ATP2B2: variants seen among roughly 807,000 people sequenced by gnomAD.
ATP2B2 encodes the protein plasma membrane calcium-transporting ATPase 2.
A neutral mutation model predicts 120.0 loss-of-function variants in ATP2B2; 15 were observed. That is an observed-to-expected ratio of 0.12 (90% confidence interval 0.08 to 0.19). The LOEUF is 0.19. Ranked by LOEUF, ATP2B2 falls within the 10% of genes least tolerant of loss-of-function variation. The pLI is 1.00. For missense variants in ATP2B2, 1,045 were observed against 1,719.8 expected (o/e 0.61, Z 6.94); for synonymous variants, 694 against 700.3 (o/e 0.99, Z 0.14).
rs906120259 is a variant in ATP2B2, at chr3:10,402,031, C to G, written c.655+60G>C. The G allele has an allele frequency of 6.2e-7, 1 of 1,605,702 alleles. No homozygotes were observed. The highest frequency in any genetic ancestry group is 8.5e-7 in the Non-Finnish European group (1 of 1,179,778). On this transcript the variant is annotated intron_variant, in intron 4 of 22. Transcript: ENST00000360273. The surrounding 1 kb of genome is among the most constrained non-coding windows in gnomAD (Gnocchi z 4.9). ...AGCCAATCTCTTTGCATCAGCCTGGCCTGTCCCACCTCTGCCGGAATCCAG... is the reference window on the plus strand; with the variant it reads ...AGCCAATCTCTTTGCATCAGCCTGGGCTGTCCCACCTCTGCCGGAATCCAG...
chr3:10,455,055 C>A (rs2064202119), intron 1 of ATP2B2, among the ~76,000 whole-genome samples: 1 of 152,320 alleles, frequency 6.6e-6, no homozygotes, highest in South Asian at 2.1e-4. Flanking sequence ...CAGTGTCTGG[C>A]ATCCAGAAGG....
Position 10,359,974 on chromosome 3 carries a change from G to T in ATP2B2, c.1809C>A (p.Asn603Lys). 1.2e-6 allele frequency: 2 copies of T among 1,614,240 alleles called. No individual in the cohort carries two copies. Among genetic ancestry groups the T allele is most frequent in the Non-Finnish European group, 1.7e-6 (2 of 1,180,028 alleles). Residue 603 changes from asparagine (N) to lysine (K), a missense_variant, in exon 13 of 23, where the codon AAC becomes AAA. Physicochemically the swap from Asn to Lys is moderately conservative, Grantham distance 94. Coordinates refer to ENST00000360273, the MANE Select transcript of ATP2B2 (RefSeq NM_001001331.4). ...EEKLYKVYTF[N>K]SVRKSMSTVI... ...CAGTGCTCATGGACTTGCGCACGGA[G>T]TTGAAGGTGTACACTTTGTACAACT...
intron 22 of ATP2B2, among the ~76,000 whole-genome samples, chr3:10,335,502 G>T (rs1316611069): frequency 6.6e-6 from 1 of 152,176 alleles, no homozygotes; most frequent in Non-Finnish European, 1.5e-5. Flanking sequence ...CCTCTGACCT[G>T]CAGTGACCTC....
At chr3:10,436,341 G>A (rs2063479368) in intron 2 of ATP2B2, among the ~76,000 whole-genome samples, 1 of 152,158 alleles carries the variant, frequency 6.6e-6, no homozygotes, top group Admixed American at 6.5e-5. Flanking sequence ...GTATCTGCAT[G>A]GTAGAAATAC....
intron 2 of ATP2B2, among the ~76,000 whole-genome samples, chr3:10,568,670 G>A (rs961016900): frequency 3.3e-5 from 5 of 152,194 alleles, no homozygotes; most frequent in East Asian, 1.9e-4. Flanking sequence ...TTTGGGAATC[G>A]TGTGTGACTT....
intron 2 of ATP2B2, among the ~76,000 whole-genome samples, chr3:10,442,165 T>C (rs906431622): frequency 2.0e-5 from 3 of 152,164 alleles, no homozygotes; most frequent in African/African-American, 7.2e-5. Context: ...GTTTTGGGAC[T>C]CAGGCCTCTG....
At chr3:10,392,896 G>C (rs922196140) in intron 5 of ATP2B2, among the ~76,000 whole-genome samples, 3 of 152,250 alleles carry the variant, frequency 2.0e-5, no homozygotes, top group Admixed American at 6.5e-5. Flanking sequence ...GACCAGCCTA[G>C]GGCATGTCCT....
intron 12 of ATP2B2, among the ~76,000 whole-genome samples, chr3:10,367,789 T>A (rs1225217554): frequency 6.6e-6 from 1 of 152,132 alleles, no homozygotes; most frequent in Non-Finnish European, 1.5e-5. Context: ...CGCATTGGGG[T>A]GTGGTGTCAC....
intron 2 of ATP2B2, among the ~76,000 whole-genome samples, chr3:10,571,537 T>C (rs559017543): frequency 2.6e-5 from 4 of 152,310 alleles, no homozygotes; most frequent in South Asian, 2.1e-4. Context: ...GACATGGGCA[T>C]GGGACCATCA....
chr3:10,355,433 G>A (rs2060687957), intron 14 of ATP2B2, among the ~76,000 whole-genome samples: 1 of 152,150 alleles, frequency 6.6e-6, no homozygotes, highest in South Asian at 2.1e-4. Context: ...TGGATGCCCT[G>A]ACTGAAGGAA....
chr3:10,345,334 G>A (rs551087579), intron 18 of ATP2B2, 50 bp downstream of exon 18: 2 of 1,604,474 alleles, frequency 1.2e-6, no homozygotes, highest in East Asian at 2.2e-5. Flanking sequence ...AGCCTCTGTG[G>A]GGGGTCTCCG....
At chr3:10,595,315 C>T (rs1463432552) in intron 2 of ATP2B2, among the ~76,000 whole-genome samples, 1 of 152,170 alleles carries the variant, frequency 6.6e-6, no homozygotes, top group Non-Finnish European at 1.5e-5. Flanking sequence ...GGGTGTTAGT[C>T]TTCTTAGATA....
chr3:10,393,637 G>T (rs550962337), intron 5 of ATP2B2, among the ~76,000 whole-genome samples: 1 of 152,308 alleles, frequency 6.6e-6, no homozygotes, highest in African/African-American at 2.4e-5. Context: ...GGAGAGAAAG[G>T]GGGGCCAGAG....
chr3:10,689,220 C>A (rs975834090), intron 1 of ATP2B2, among the ~76,000 whole-genome samples: 6 of 152,100 alleles, frequency 3.9e-5, no homozygotes, highest in Admixed American at 3.9e-4. Context: ...CCATTCTGAG[C>A]CTCTTTTAGA....
intron 2 of ATP2B2, among the ~76,000 whole-genome samples, chr3:10,432,009 G>C (rs2063331351): frequency 6.6e-6 from 1 of 152,210 alleles, no homozygotes; most frequent in Non-Finnish European, 1.5e-5. Context: ...TTTCAGGACA[G>C]AGCTGGAATG....
At chr3:10,451,809 C>A (rs2064062392) in intron 1 of ATP2B2, among the ~76,000 whole-genome samples, 1 of 152,148 alleles carries the variant, frequency 6.6e-6, no homozygotes, top group African/African-American at 2.4e-5. Flanking sequence ...TGAGTTTTGA[C>A]CCCAACAATG....
At chr3:10,436,725 C>T (rs1254977060) in intron 2 of ATP2B2, among the ~76,000 whole-genome samples, 1 of 152,226 alleles carries the variant, frequency 6.6e-6, no homozygotes, top group Non-Finnish European at 1.5e-5. Context: ...CACTATGCTG[C>T]CCAGTCAGCT....
At position 10,632,327 on chromosome 3, in the gene ATP2B2, G is replaced by A. The variant is rs918440497; in HGVS notation, c.-459-12366C>T. Among the ~76,000 whole-genome samples, 6 of 152,308 alleles carry A rather than the reference G, an allele frequency of 3.9e-5. No individual in the cohort carries two copies. The East Asian group carries it at 1.2e-3, about 29-fold the overall frequency. On this transcript the variant is annotated intron_variant, in intron 1 of 21. Coordinates refer to the ATP2B2 transcript ENST00000646379. ...CAGTCTCCACCACTCCCAGCTGCTC[G>A]TCTCCCCGTTTTCACGCAGCATGAC...
chr3:10,573,400 C>T (rs2068171524), intron 2 of ATP2B2, among the ~76,000 whole-genome samples: 1 of 152,180 alleles, frequency 6.6e-6, no homozygotes, highest in Admixed American at 6.5e-5. Flanking sequence ...AGAGAGTAAG[C>T]TCCTGCATGG....
Sources: allele counts gnomAD v4.1 joint callset (sites outside exome capture counted in the v4.1 genomes callset), GRCh38; gene constraint gnomAD v4.1.1; non-coding constraint Gnocchi (gnomAD v3.1); transcripts MANE v1.5; gene names NCBI Gene and HGNC (gene_info 2026-07-23, HGNC 2026-07-21).